Variants in SGK3 observed in about 807,000 individuals in gnomAD.
SGK3 encodes the protein serine/threonine-protein kinase Sgk3.
In SGK3, 47 loss-of-function variants were observed where a neutral mutation model predicts 68.5. That is an observed-to-expected ratio of 0.69 (90% CI 0.54 to 0.87). SGK3 has a LOEUF of 0.87. SGK3 is among the 40% of genes least tolerant of loss of function. The pLI, the probability that SGK3 is intolerant of heterozygous loss-of-function variation, is 0.00. For synonymous variants in SGK3, 181 were observed against 189.1 expected (o/e 0.96, Z 0.35); for missense variants, 479 against 575.5 (o/e 0.83, Z 1.72).
At chr8:66,716,209 A>G (rs1804626211) in intron 1 of SGK3, among the ~76,000 whole-genome samples, 1 of 152,152 alleles carries the variant, frequency 6.6e-6, no homozygotes, top group Admixed American at 6.5e-5. Flanking sequence ...TCCCCTGCCC[A>G]GTATCATGGA....
chr8:66,831,449 C>G, intron 8 of SGK3, 138 bp downstream of exon 8: 1 of 979,750 alleles, frequency 1.0e-6, no homozygotes, highest in Non-Finnish European at 1.5e-6. Flanking sequence ...AAGCCATCCT[C>G]CCACCTCAGC....
intron 13 of SGK3, among the ~76,000 whole-genome samples, chr8:66,842,573 G>T (rs901010031): frequency 1.3e-5 from 2 of 152,058 alleles, no homozygotes; most frequent in African/African-American, 4.8e-5. Context: ...ATATATTTTG[G>T]AATGTAAAAT....
rs944202133 is a variant in SGK3, at chr8:66,859,932, A to G, written c.*351A>G. The G allele has an allele frequency of 5.9e-6, 1 of 169,506 alleles. No homozygotes were observed. Among genetic ancestry groups the G allele is most frequent in the African/African-American group, 2.4e-5 (1 of 41,980 alleles). 10.5% of individuals were successfully genotyped at this position (169,506 alleles called of 1,614,324 possible). A position where few individuals can be genotyped will look rare whatever the true frequency, so the allele number is the denominator to read the frequency against. ...AAGATAGACTGTTTTTTAACAGTCA[A>G]TTTCAGTTCAGCTAACATATATTAA... On this transcript the variant is annotated 3_prime_UTR_variant, in exon 17 of 17. Coordinates refer to ENST00000521198, the MANE Select transcript of SGK3 (RefSeq NM_001033578.3).
At chr8:66,790,720 C>G (rs909860726) in intron 1 of SGK3, 1 of 152,244 alleles carries the variant, frequency 6.6e-6, no homozygotes, top group Non-Finnish European at 1.5e-5. Flanking sequence ...TTCTCAAGAA[C>G]AGCCGGAAGC....
intron 1 of SGK3, among the ~76,000 whole-genome samples, chr8:66,789,637 T>G (rs1055096859): frequency 6.6e-6 from 1 of 152,174 alleles, no homozygotes; most frequent in Non-Finnish European, 1.5e-5. Context: ...AGGAGATTAG[T>G]GGTATTTCAG....
intron 16 of SGK3, among the ~76,000 whole-genome samples, chr8:66,854,356 A>T (rs1284342407): frequency 6.6e-6 from 1 of 152,182 alleles, no homozygotes; most frequent in African/African-American, 2.4e-5. Context: ...CCCCCAAATA[A>T]TCCTTAAAGT....
At chr8:66,743,711 A>G (rs1171281211) in intron 1 of SGK3, among the ~76,000 whole-genome samples, 1 of 152,258 alleles carries the variant, frequency 6.6e-6, no homozygotes, top group African/African-American at 2.4e-5. Flanking sequence ...TAGTAGATAC[A>G]GGGTTTCACC....
At chr8:66,831,223 G>C (rs1809289031) in intron 7 of SGK3, 31 bp from the exon 8 acceptor site, 3 of 1,607,344 alleles carry the variant, frequency 1.9e-6, no homozygotes, top group Middle Eastern at 1.7e-4. Context: ...CAATTTCTAG[G>C]AGGCTAATTC....
intron 5 of SGK3, among the ~76,000 whole-genome samples, chr8:66,815,318 GCTGTGGTCACAC>G (rs1327043310): frequency 1.3e-5 from 2 of 152,152 alleles, no homozygotes; most frequent in East Asian, 3.8e-4. Context: ...AGGTCTCACA[GCTGTGGTCACAC>G]CAGCATTAGA....
intron 6 of SGK3, among the ~76,000 whole-genome samples, chr8:66,826,597 A>G (rs1357428100): frequency 1.3e-5 from 2 of 151,960 alleles, no homozygotes; most frequent in African/African-American, 4.8e-5. Context: ...AATTGTAACT[A>G]CAACACTGGT....
At chr8:66,728,710 C>G (rs910531359) in intron 1 of SGK3, among the ~76,000 whole-genome samples, 11 of 152,078 alleles carry the variant, frequency 7.2e-5, no homozygotes, top group African/African-American at 2.7e-4. Context: ...CAAGACAAGC[C>G]TGGGCAATAG....
chr8:66,740,906 CAAAAA>C (rs899256897), intron 1 of SGK3, among the ~76,000 whole-genome samples: 1 of 42,714 alleles, frequency 2.3e-5, no homozygotes, highest in Non-Finnish European at 4.8e-5. Context: ...GACTCTGTCT[CAAAAA>C]AAAAAAAAAA....
chr8:66,769,054 A>G (rs1157439688), intron 1 of SGK3, among the ~76,000 whole-genome samples: 1 of 152,066 alleles, frequency 6.6e-6, no homozygotes, highest in Non-Finnish European at 1.5e-5. Flanking sequence ...CACTTGTCAG[A>G]TCTGTGAGTT....
At chr8:66,791,836 C>T (rs1237536085) in intron 1 of SGK3, among the ~76,000 whole-genome samples, 1 of 152,170 alleles carries the variant, frequency 6.6e-6, no homozygotes, top group Non-Finnish European at 1.5e-5. Context: ...TAGGTTCCAC[C>T]TGCTCTCATG....
chr8:66,718,267 T>G (rs1339924747), intron 1 of SGK3, among the ~76,000 whole-genome samples: 1 of 145,608 alleles, frequency 6.9e-6, no homozygotes, highest in African/African-American at 2.6e-5. Context: ...TCAAGTGATC[T>G]GCCCACATCG....
chr8:66,797,070 C>T (rs1807728683), intron 2 of SGK3, among the ~76,000 whole-genome samples: 1 of 151,654 alleles, frequency 6.6e-6, no homozygotes, highest in Non-Finnish European at 1.5e-5. Context: ...CATAATTTTA[C>T]AAGGCTTTAT....
intron 1 of SGK3, among the ~76,000 whole-genome samples, chr8:66,718,996 G>A (rs766768273): frequency 3.9e-5 from 6 of 151,986 alleles, no homozygotes; most frequent in Non-Finnish European, 7.4e-5. Context: ...AGGATTGCTT[G>A]AGCACAGGAA....
chr8:66,714,620 C>G (rs568423004), intron 1 of SGK3, among the ~76,000 whole-genome samples: 1 of 152,166 alleles, frequency 6.6e-6, no homozygotes, highest in South Asian at 2.1e-4. Context: ...GGCTCATGTT[C>G]CTCTGATATA....
At chr8:66,779,973 T>C (rs749949097) in intron 1 of SGK3, among the ~76,000 whole-genome samples, 1 of 152,108 alleles carries the variant, frequency 6.6e-6, no homozygotes, top group Non-Finnish European at 1.5e-5. Flanking sequence ...TCCTGAGTTC[T>C]CCTTGATTTT....
Sources: gnomAD v4.1 joint callset for allele counts (sites outside exome capture counted in the v4.1 genomes callset) on GRCh38, gnomAD v4.1.1 for gene constraint, MANE v1.5 for transcripts, NCBI Gene and HGNC (gene_info 2026-07-23, HGNC 2026-07-21) for gene names.